C8A: variants seen among roughly 807,000 people sequenced by gnomAD.
C8A encodes the protein complement component C8 alpha chain.
A neutral mutation model predicts 65.3 loss-of-function variants in C8A; 67 were observed. That is an observed-to-expected ratio of 1.03 (90% CI 0.84 to 1.26). C8A has a LOEUF of 1.26. Among genes scored for constraint, C8A ranks in the 50% most tolerant of loss-of-function variants. C8A has a pLI of 0.00. For synonymous variants in C8A, 290 were observed against 259.4 expected, an observed-to-expected ratio of 1.12 and a Z score of -1.13; for missense variants, 781 against 723.9, an observed-to-expected ratio of 1.08 and a Z score of -0.90.
In C8A at chr1:56,917,673, G is replaced by A. The variant is rs1162238169; in HGVS notation, c.1712G>A (p.Gly571Glu). 1.2e-6 allele frequency: 2 copies of A among 1,614,096 alleles called. No individual in the cohort carries two copies. Among genetic ancestry groups the A allele is most frequent in the African/African-American group, 1.3e-5 (1 of 74,932 alleles). The change falls in exon 11 of 11, where the codon GGG becomes GAG. Residue 571 changes from glycine (G) to glutamate (E), a missense_variant. By Grantham distance (98) the Gly-to-Glu change is moderately conservative. Transcript: ENST00000361249. ...ECDNPAPQNG[G>E]ASCPGRKVQT... ...GACAATCCAGCACCTCAGAATGGAG[G>A]GGCCTCGTGTCCAGGGCGGAAAGTA...
rs188532229 is a variant in C8A, at chr1:56,870,742, C to A, written c.171+3040C>A. Among the ~76,000 whole-genome samples, 7 of 149,740 alleles carry A rather than the reference C, an allele frequency of 4.7e-5. No individual in the cohort carries two copies. In the East Asian group the frequency reaches 7.7e-4, roughly 17 times the overall value. ...CAAGACAATGACTTGCAGTTTAAAT[C>A]AGAATAGAATTATTTCCTTACTGAC... On this transcript the variant is annotated intron_variant, in intron 2 of 10. Coordinates refer to ENST00000361249, the MANE Select transcript of C8A (RefSeq NM_000562.3).
intron 9 of C8A, 60 bp downstream of exon 9, chr1:56,908,173 C>T (rs1302438337): frequency 6.0e-6 from 9 of 1,511,224 alleles, no homozygotes; most frequent in South Asian, 1.1e-5. Flanking sequence ...TGAAGCAGAC[C>T]AGATCATTTC....
chr1:56,899,491 T>C (rs1193704627), intron 7 of C8A, among the ~76,000 whole-genome samples: 1 of 152,180 alleles, frequency 6.6e-6, no homozygotes, highest in Non-Finnish European at 1.5e-5. Flanking sequence ...TCATTCCTAT[T>C]GTGGCATGAT....
rs1644519482 is a variant in C8A at position 56,912,711 on chromosome 1, C to T, written c.1603+86C>T. Reference sequence around the variant, plus strand: ...AAAGGACTTTTGGGGTTCCCGGCCCCTCCTTTTGGAGCTCTCCTAGCCAAT... The same window carrying T: ...AAAGGACTTTTGGGGTTCCCGGCCCTTCCTTTTGGAGCTCTCCTAGCCAAT... On this transcript the variant is annotated intron_variant, in intron 10 of 10. Transcript: ENST00000361249. The T allele has an allele frequency of 3.2e-6, 4 of 1,247,134 alleles. No individual in the cohort carries two copies. The Admixed American group carries it at 7.6e-5, about 24-fold the overall frequency. 77.3% of individuals were successfully genotyped at this position (1,247,134 alleles called of 1,614,324 possible).
chr1:56,857,253 T>G lies in C8A; in HGVS notation c.77+2275T>G, dbSNP rs573850917. Reference sequence around the variant, plus strand: ...AACTGTATTTGTGGATTTGCCTACTTACAGTTCTATCAGTTTTTGCTCCAT... The same window carrying G: ...AACTGTATTTGTGGATTTGCCTACTGACAGTTCTATCAGTTTTTGCTCCAT... On this transcript the variant is annotated intron_variant, in intron 1 of 10. Transcript: ENST00000361249. Among the ~76,000 whole-genome samples the G allele has an allele frequency of 5.4e-4, 82 of 152,002 alleles. 1 individual carries two copies. The South Asian group carries it at 0.016, about 30-fold the overall frequency.
At chr1:56,906,637 A>G (rs1419536865) in intron 7 of C8A, 30 bp from the exon 8 acceptor site, 11 of 1,613,652 alleles carry the variant, frequency 6.8e-6, no homozygotes, top group Non-Finnish European at 8.5e-6. Flanking sequence ...ATAACTCAGC[A>G]TTTTGTGTTT....
At position 56,885,230 on chromosome 1, in the gene C8A, C is replaced by T. The variant is rs1644279947; in HGVS notation, c.856-697C>T. Among the ~76,000 whole-genome samples the T allele has an allele frequency of 2.0e-5, 3 of 147,340 alleles. No homozygotes were observed. In the South Asian group the frequency reaches 6.4e-4, roughly 31 times the overall value. On this transcript the variant is annotated intron_variant, in intron 6 of 10. Coordinates refer to ENST00000361249, the MANE Select transcript of C8A (RefSeq NM_000562.3). ...TATGTGCTTGTGAAATATAGTAGTACTCCAATTACATGTATTTATGTTCAT... is the reference window on the plus strand; with the variant it reads ...TATGTGCTTGTGAAATATAGTAGTATTCCAATTACATGTATTTATGTTCAT...
intron 9 of C8A, among the ~76,000 whole-genome samples, chr1:56,910,722 G>A (rs529532250): frequency 2.6e-5 from 4 of 152,254 alleles, no homozygotes; most frequent in East Asian, 1.9e-4. Flanking sequence ...GACCTCAACC[G>A]CAACCCCTGA....
At chr1:56,916,582 G>C (rs1267297739) in intron 10 of C8A, among the ~76,000 whole-genome samples, 1 of 152,190 alleles carries the variant, frequency 6.6e-6, no homozygotes, top group Non-Finnish European at 1.5e-5. Flanking sequence ...GTGATCTGAG[G>C]AGCCCTGGGG....
intron 7 of C8A, among the ~76,000 whole-genome samples, chr1:56,895,376 A>G (rs1644380393): frequency 6.6e-6 from 1 of 152,150 alleles, no homozygotes; most frequent in Admixed American, 6.5e-5. Context: ...AATTCACAAA[A>G]GAAGAACTGA....
At chr1:56,878,727 A>G (rs1644223392) in intron 4 of C8A, among the ~76,000 whole-genome samples, 1 of 152,150 alleles carries the variant, frequency 6.6e-6, no homozygotes, top group Non-Finnish European at 1.5e-5. Flanking sequence ...ATCTTCTCTT[A>G]CCTGCACTCC....
At chr1:56,879,149 C>G (rs1164535798) in intron 4 of C8A, among the ~76,000 whole-genome samples, 1 of 152,134 alleles carries the variant, frequency 6.6e-6, no homozygotes, top group Non-Finnish European at 1.5e-5. Context: ...CCTGCAAAGC[C>G]TAAAGCATTT....
Position 56,886,183 on chromosome 1 carries a change from G to A in C8A, c.1096+16G>A. On this transcript the variant is annotated intron_variant, in intron 7 of 10. Coordinates refer to ENST00000361249, the MANE Select transcript of C8A (RefSeq NM_000562.3). Reference sequence around the variant, plus strand: ...GAATCCCTTGGTAAGTAAAGCAGAAGCTCTATGTACACAGTAGTCAACACA... The same window carrying A: ...GAATCCCTTGGTAAGTAAAGCAGAAACTCTATGTACACAGTAGTCAACACA... The A allele has an allele frequency of 6.2e-7, 1 of 1,613,504 alleles. No individual in the cohort carries two copies. Among genetic ancestry groups the A allele is most frequent in the Non-Finnish European group, 8.5e-7 (1 of 1,179,870 alleles).
Position 56,881,511 on chromosome 1 carries a change from T to C in C8A, c.531T>C (p.Cys177=), listed in dbSNP as rs752326382. The part of the protein sequence containing the change: ...VYDASYYGGQ[C]ETVYNGEWRE... Reference sequence around the variant, plus strand: ...ATGCCAGTTATTATGGGGGCCAGTGTGAGACGGTATACAATGGGGAATGGA... The same window carrying C: ...ATGCCAGTTATTATGGGGGCCAGTGCGAGACGGTATACAATGGGGAATGGA... The change falls in exon 5 of 11, where the codon TGT becomes TGC. Residue 177 remains cysteine (C), a synonymous_variant. Coordinates refer to ENST00000361249, the MANE Select transcript of C8A (RefSeq NM_000562.3). The C allele has an allele frequency of 6.2e-7, 1 of 1,613,836 alleles. No individual in the cohort carries two copies.
intron 5 of C8A, 111 bp downstream of exon 5, chr1:56,881,745 G>T (rs1182497528): frequency 1.9e-6 from 2 of 1,054,888 alleles, no homozygotes; most frequent in Non-Finnish European, 2.9e-6. Flanking sequence ...TATAAAGTTT[G>T]CTGGTGTCTG....
At chr1:56,875,559 G>A (rs1371771880) in intron 3 of C8A, among the ~76,000 whole-genome samples, 1 of 152,178 alleles carries the variant, frequency 6.6e-6, no homozygotes, top group Non-Finnish European at 1.5e-5. Flanking sequence ...GGCAGTCTGG[G>A]TGGGCTTTGA....
At chr1:56,888,539 G>C (rs1644318965) in intron 7 of C8A, among the ~76,000 whole-genome samples, 1 of 152,044 alleles carries the variant, frequency 6.6e-6, no homozygotes, top group Admixed American at 6.6e-5. Flanking sequence ...GGACAGAATA[G>C]AAAATATCAT....
intron 1 of C8A, among the ~76,000 whole-genome samples, chr1:56,857,382 G>T (rs1260128406): frequency 3.3e-5 from 5 of 151,314 alleles, no homozygotes; most frequent in Non-Finnish European, 5.9e-5. Flanking sequence ...ATCATGAAAG[G>T]CTTCCATTAT....
At chr1:56,911,497 A>G (rs1644506010) in intron 9 of C8A, among the ~76,000 whole-genome samples, 1 of 152,088 alleles carries the variant, frequency 6.6e-6, no homozygotes, top group Non-Finnish European at 1.5e-5. Context: ...TTCATCTACT[A>G]CTTCTCAGTC....
Sources: allele counts gnomAD v4.1 joint callset (sites outside exome capture counted in the v4.1 genomes callset), GRCh38; gene constraint gnomAD v4.1.1; transcripts MANE v1.5; gene names NCBI Gene and HGNC (gene_info 2026-07-23, HGNC 2026-07-21).